Variants in XPO1 observed in about 807,000 individuals in gnomAD.
XPO1 encodes exportin-1.
In XPO1, 5 loss-of-function variants were observed where a neutral mutation model predicts 133.3. The observed-to-expected ratio is 0.04, with a 90% confidence interval of 0.02 to 0.08. The LOEUF is 0.08. Ranked by LOEUF, XPO1 falls within the 10% of genes least tolerant of loss-of-function variation. The probability of loss-of-function intolerance (pLI) is 1.00; values close to 1 mark genes in which losing one functional copy is unlikely to be tolerated. For missense variants in XPO1, 506 were observed against 1,267.5 expected, an observed-to-expected ratio of 0.40 and a Z score of 9.12; for synonymous variants, 419 against 408.2, an observed-to-expected ratio of 1.03 and a Z score of -0.32.
At chr2:61,482,056 T>TTTTTTTTTTTTTTTTTTC (rs1696399014) in intron 23 of XPO1, among the ~76,000 whole-genome samples, 1 of 23,498 alleles carries the variant, frequency 4.3e-5, no homozygotes, top group Non-Finnish European at 8.2e-5. Flanking sequence ...TTTTTTTTTT[T>TTTTTTTTTTTTTTTTTTC]TGCTTTTTTA....
intron 4 of XPO1, among the ~76,000 whole-genome samples, chr2:61,503,638 A>G (rs1697654158): frequency 6.6e-6 from 1 of 151,618 alleles, no homozygotes; most frequent in Admixed American, 6.6e-5. Context: ...GTTAGCCAGG[A>G]TGGTCTCGAT....
At chr2:61,496,822 G>A in intron 10 of XPO1, 57 bp downstream of exon 10, 2 of 1,396,146 alleles carry the variant, frequency 1.4e-6, no homozygotes, top group Admixed American at 3.0e-5. Flanking sequence ...TTTGGAATTT[G>A]GTATTTTCTA....
chr2:61,501,290 G>C (rs531703789), intron 6 of XPO1, among the ~76,000 whole-genome samples: 1 of 151,596 alleles, frequency 6.6e-6, no homozygotes, highest in Non-Finnish European at 1.5e-5. Context: ...ATAGAAAACA[G>C]ATAAACATAA....
At chr2:61,490,855 G>C in intron 16 of XPO1, 79 bp from the exon 17 acceptor site, 1 of 1,539,348 alleles carries the variant, frequency 6.5e-7, no homozygotes, top group Non-Finnish European at 8.8e-7. Context: ...ATTCACAAAC[G>C]TCTTGAAACT....
At chr2:61,495,643 G>A (rs377612750) in intron 10 of XPO1, 30 bp from the exon 11 acceptor site, 10 of 1,521,194 alleles carry the variant, frequency 6.6e-6, no homozygotes, top group African/African-American at 5.6e-5. Context: ...CGATCAGTTC[G>A]CATTTTATAA....
Position 61,533,880 on chromosome 2 carries a change from T to A in XPO1, c.18A>T (p.Thr6=). Residue 6 remains threonine, a synonymous_variant, in exon 2 of 25, where the codon ACA becomes ACT. Transcript: ENST00000401558. The part of the protein sequence containing the change: MPAIM[T]MLADHAARQL... ...GACGAGCTGCATGGTCTGCTAACATTGTCATAATTGCTGGCATAGATTACT... is the reference window on the plus strand; with the variant it reads ...GACGAGCTGCATGGTCTGCTAACATAGTCATAATTGCTGGCATAGATTACT... 6.3e-7 allele frequency: 1 copy of A among 1,582,288 alleles called. No homozygotes were observed. Among genetic ancestry groups the A allele is most frequent in the Non-Finnish European group, 8.6e-7 (1 of 1,167,278 alleles).
At chr2:61,525,568 A>C in intron 3 of XPO1, 1 of 1,014,968 alleles carries the variant, frequency 9.9e-7, no homozygotes, top group Non-Finnish European at 1.2e-6. Flanking sequence ...TACTGTTGAT[A>C]AATCAACTTA....
chr2:61,517,364 A>G (rs747935263), intron 4 of XPO1, among the ~76,000 whole-genome samples: 7 of 152,186 alleles, frequency 4.6e-5, no homozygotes, highest in Non-Finnish European at 1.0e-4. Context: ...TTGGAGCATC[A>G]CTTGAGGCCA....
chr2:61,507,643 T>C (rs1434662624), intron 4 of XPO1, among the ~76,000 whole-genome samples: 1 of 151,530 alleles, frequency 6.6e-6, no homozygotes, highest in Non-Finnish European at 1.5e-5. Flanking sequence ...TTTGGGAGGC[T>C]GAGGTGGGCA....
rs1318571494 is a variant in XPO1, at chr2:61,538,053, C to CT, written c.-499_-498insA. On this transcript the variant is annotated 5_prime_UTR_variant, in exon 1 of 25. Transcript: ENST00000401558. ...GGCTCCGGCGCTGGCCCCCCCCCCC[C>CT]CAAGGCTCGCCTAAACTTTCCCCCC... 6 of 119,924 alleles carry CT rather than the reference C, an allele frequency of 5.0e-5. No homozygotes were observed. The highest frequency in any genetic ancestry group is 1.5e-4 in the African/African-American group (5 of 32,578). The allele number at this position is 119,924 out of a possible 1,614,324, so 7.4% of individuals were successfully genotyped here.
intron 2 of XPO1, among the ~76,000 whole-genome samples, chr2:61,533,212 T>C (rs1014841487): frequency 3.3e-5 from 5 of 151,302 alleles, no homozygotes; most frequent in Middle Eastern, 3.2e-3. Context: ...AAAAATCAAG[T>C]TTTTTTTCTT....
intron 6 of XPO1, 149 bp from the exon 7 acceptor site, chr2:61,500,043 C>T (rs1697424702): frequency 1.3e-6 from 1 of 765,258 alleles, no homozygotes; most frequent in South Asian, 1.9e-5. Context: ...AAATGTGCCA[C>T]CCTCTTCACC....
intron 4 of XPO1, among the ~76,000 whole-genome samples, chr2:61,510,799 A>C (rs1558658616): frequency 2.0e-5 from 3 of 152,052 alleles, no homozygotes; most frequent in Non-Finnish European, 4.4e-5. Flanking sequence ...TGAGCCAGGT[A>C]TGATTCATGC....
At chr2:61,479,643 T>G (rs1268353520) in intron 24 of XPO1, among the ~76,000 whole-genome samples, 1 of 151,990 alleles carries the variant, frequency 6.6e-6, no homozygotes, top group Non-Finnish European at 1.5e-5. Flanking sequence ...GCACATTATC[T>G]CAACCTCTTC....
chr2:61,518,958 A>G (rs1184652242), intron 4 of XPO1, among the ~76,000 whole-genome samples: 3 of 152,032 alleles, frequency 2.0e-5, no homozygotes, highest in Non-Finnish European at 4.4e-5. Context: ...AATTATGTCT[A>G]TCTTTTGCTC....
At chr2:61,494,271 C>T in intron 11 of XPO1, 180 bp from the exon 12 acceptor site, 1 of 553,638 alleles carries the variant, frequency 1.8e-6, no homozygotes, top group Non-Finnish European at 3.1e-6. Flanking sequence ...CTGACATGCC[C>T]TAAAGCACTT....
intron 2 of XPO1, 149 bp downstream of exon 2, chr2:61,533,623 A>C (rs1699251160): frequency 9.9e-7 from 1 of 1,014,608 alleles, no homozygotes; most frequent in Admixed American, 4.1e-5. Context: ...CTTTCTCCAA[A>C]CCAATTTTCA....
intron 6 of XPO1, among the ~76,000 whole-genome samples, chr2:61,500,180 T>TA (rs1697432565): frequency 6.6e-6 from 1 of 152,082 alleles, no homozygotes; most frequent in Admixed American, 6.6e-5. Flanking sequence ...GCCTGATAGA[T>TA]ATGTAGAAAT....
intron 23 of XPO1, 77 bp from the exon 24 acceptor site, chr2:61,481,358 G>C (rs1226476589): frequency 3.7e-6 from 4 of 1,069,028 alleles, no homozygotes; most frequent in Non-Finnish European, 5.4e-6. Flanking sequence ...CACCAGGCTG[G>C]AGTACAGTGG....
Sources: gnomAD v4.1 joint callset for allele counts (sites outside exome capture counted in the v4.1 genomes callset) on GRCh38, gnomAD v4.1.1 for gene constraint, MANE v1.5 for transcripts, NCBI Gene and HGNC (gene_info 2026-07-23, HGNC 2026-07-21) for gene names.